TICAM1: variants seen among roughly 807,000 people sequenced by gnomAD.
The protein encoded by TICAM1 is TIR domain containing adaptor molecule 1.
For missense variants in TICAM1, 895 were observed against 938.2 expected, an observed-to-expected ratio of 0.95 and a Z score of 0.60; for synonymous variants, 439 against 415.4, an observed-to-expected ratio of 1.06 and a Z score of -0.69.
intron 1 of TICAM1, among the ~76,000 whole-genome samples, chr19:4,828,455 C>T (rs568902917): frequency 6.6e-6 from 1 of 151,846 alleles, no homozygotes; most frequent in Non-Finnish European, 1.5e-5. Context: ...CCAAGCGATC[C>T]TCCCACCTTG....
chr19:4,830,359 T>C (rs1399221077), intron 1 of TICAM1, among the ~76,000 whole-genome samples: 3 of 152,106 alleles, frequency 2.0e-5, no homozygotes, highest in Non-Finnish European at 4.4e-5. Context: ...ATTACAGGCA[T>C]AAACCACTGC....
Position 4,817,094 on chromosome 19 carries a change from G to C in TICAM1, c.1284C>G (p.Cys428Trp). ...ALGVPDGATF[C>W]EDFQVPGRGE... ...CGCGCCCCGGCACCTGGAAATCCTC[G>C]CAGAAGGTGGCCCCGTCGGGCACGC... is the stretch of plus-strand genomic sequence containing the variant. The change falls in exon 2 of 2, where the codon TGC becomes TGG. Residue 428 changes from cysteine to tryptophan, a missense_variant. Cys to Trp is a radical substitution (Grantham distance 215, BLOSUM62 -2). Transcript: ENST00000248244. The surrounding 1 kb of genome is among the most constrained non-coding windows in gnomAD (Gnocchi z 4.7). 1 of 1,614,148 alleles carries C rather than the reference G, an allele frequency of 6.2e-7. No homozygotes were observed. The highest frequency in any genetic ancestry group is 1.1e-5 in the South Asian group (1 of 91,086).
chr19:4,821,128 G>A (rs1333819925), intron 1 of TICAM1, among the ~76,000 whole-genome samples: 2 of 151,598 alleles, frequency 1.3e-5, no homozygotes, highest in Admixed American at 6.6e-5. Context: ...CCCAAGAGGC[G>A]GAGGTTGCAG....
intron 1 of TICAM1, among the ~76,000 whole-genome samples, chr19:4,822,150 G>A (rs1366542876): frequency 6.6e-6 from 1 of 151,768 alleles, no homozygotes. Context: ...GGCCAGGCTG[G>A]TCTTGAACTC....
intron 1 of TICAM1, among the ~76,000 whole-genome samples, chr19:4,829,324 G>T (rs896928612): frequency 1.4e-5 from 2 of 141,774 alleles, no homozygotes; most frequent in South Asian, 2.3e-4. Flanking sequence ...AAATCACGTG[G>T]TCTTTCTTCT....
Position 4,817,222 on chromosome 19 carries a change from G to C in TICAM1, c.1156C>G (p.Leu386Val). Residue 386 changes from leucine to valine, a missense_variant, in exon 2 of 2, where the codon CTG (leucine) becomes GTG (valine). By Grantham distance (32) the Leu-to-Val change is conservative. Coordinates refer to ENST00000248244, the MANE Select transcript of TICAM1 (RefSeq NM_182919.4). This position sits in a 1 kb window ranked among gnomAD's most constrained non-coding sequence, Gnocchi z 4.7. The part of the protein sequence containing the change: ...LTPSSLFPSS[L>V]ESSSEQKFYN... Reference sequence around the variant, plus strand: ...AATTTCTGTTCCGATGATGATTCCAGGGAGGAAGGGAACAGGGAGGAGGGG... The same window carrying C: ...AATTTCTGTTCCGATGATGATTCCACGGAGGAAGGGAACAGGGAGGAGGGG... 2.5e-6 allele frequency: 4 copies of C among 1,614,038 alleles called. No individual in the cohort carries two copies. Among genetic ancestry groups the C allele is most frequent in the African/African-American group, 1.3e-5 (1 of 74,980 alleles).
intron 1 of TICAM1, among the ~76,000 whole-genome samples, chr19:4,821,886 T>C (rs28671596): frequency 0.14 from 21,065 of 148,564 alleles, 1,588 homozygotes; most frequent in African/African-American, 0.18. Context: ...TCAGGTGATC[T>C]GCCTGTCTCG....
chr19:4,827,387 AAAAAAAAAAAAAAAAAG>A (rs1191789178), intron 1 of TICAM1, among the ~76,000 whole-genome samples: 1 of 149,258 alleles, frequency 6.7e-6, no homozygotes, highest in East Asian at 2.0e-4. Flanking sequence ...AAAAAAAAAA[AAAAAAAAAAAAAAAAAG>A]AAAAAGGCCA....
At chr19:4,830,658 T>C (rs1439998919) in intron 1 of TICAM1, among the ~76,000 whole-genome samples, 1 of 152,148 alleles carries the variant, frequency 6.6e-6, no homozygotes, top group Non-Finnish European at 1.5e-5. Context: ...AGACCAACAG[T>C]AAGCGAGAAA....
rs1361444746 is a variant in TICAM1 at position 4,816,530 on chromosome 19, T to TC, written c.1847dup (p.Ala617SerfsTer149). 9.4e-6 allele frequency: 15 copies of TC among 1,599,942 alleles called. No homozygotes were observed. The highest frequency in any genetic ancestry group is 1.2e-5 in the Non-Finnish European group (14 of 1,173,970). ...GCCAAGTGGGAAAGGGTGGCGGGGC[T>TC]CCCAGGGGCACCTGGCCCCCAAAGG... On this transcript the variant is annotated frameshift_variant, in exon 2 of 2. Transcript: ENST00000248244. LOFTEE classifies it low-confidence loss of function (END_TRUNC). The surrounding 1 kb of genome is among the most constrained non-coding windows in gnomAD (Gnocchi z 4.3).
rs2146169433 is a variant in TICAM1 at position 4,817,288 on chromosome 19, G to GAGA, written c.1089_1090insTCT (p.Pro363_Pro364insSer). ...CAAGGAGTAGATGAAGGAGGAGGAG[G>GAGA]AGGAGGAGGAGGGGATGTTTCTGGG... On this transcript the variant is annotated inframe_insertion, in exon 2 of 2. Coordinates refer to ENST00000248244, the MANE Select transcript of TICAM1 (RefSeq NM_182919.4). The surrounding 1 kb of genome is among the most constrained non-coding windows in gnomAD (Gnocchi z 4.7). The GAGA allele has an allele frequency of 6.2e-7, 1 of 1,613,520 alleles. No homozygotes were observed. The highest frequency in any genetic ancestry group is 8.5e-7 in the Non-Finnish European group (1 of 1,179,744).
At chr19:4,829,168 G>A (rs1451199450) in intron 1 of TICAM1, among the ~76,000 whole-genome samples, 1 of 152,096 alleles carries the variant, frequency 6.6e-6, no homozygotes, top group Non-Finnish European at 1.5e-5. Context: ...CCTGGCACAC[G>A]CATGCCCCAC....
chr19:4,823,861 C>G (rs888409663), intron 1 of TICAM1, among the ~76,000 whole-genome samples: 4 of 152,134 alleles, frequency 2.6e-5, no homozygotes, highest in Non-Finnish European at 5.9e-5. Flanking sequence ...TTTATTACCA[C>G]AGCCACAGTA....
In TICAM1 at chr19:4,817,564, G is replaced by A. The variant is rs755005131; in HGVS notation, c.814C>T (p.Pro272Ser). 5.0e-6 allele frequency: 8 copies of A among 1,612,504 alleles called. 1 individual carries two copies. The African/African-American group carries it at 9.3e-5, about 19-fold the overall frequency. ...GGGGCCACTTCGGGAAGCCCAGGAGGTGGGCTGCTTGGCAGCTCTGGTGGG... is the reference window on the plus strand; with the variant it reads ...GGGGCCACTTCGGGAAGCCCAGGAGATGGGCTGCTTGGCAGCTCTGGTGGG... ...ASPPELPSSP[P>S]PGLPEVAPDA... The change falls in exon 2 of 2, where the codon CCT becomes TCT. Residue 272 changes from proline to serine, a missense_variant. By Grantham distance (74) the Pro-to-Ser change is moderately conservative (BLOSUM62 -1). Coordinates refer to ENST00000248244, the MANE Select transcript of TICAM1 (RefSeq NM_182919.4). This position sits in a 1 kb window ranked among gnomAD's most constrained non-coding sequence, Gnocchi z 4.7.
intron 1 of TICAM1, among the ~76,000 whole-genome samples, chr19:4,830,307 G>T (rs1297467347): frequency 6.6e-6 from 1 of 151,898 alleles, no homozygotes; most frequent in Non-Finnish European, 1.5e-5. Context: ...CAGGATCCTG[G>T]GCTCAAGCAA....
chr19:4,829,307 A>G (rs1401923042), intron 1 of TICAM1, among the ~76,000 whole-genome samples: 1 of 152,066 alleles, frequency 6.6e-6, no homozygotes, highest in Non-Finnish European at 1.5e-5. Flanking sequence ...TGCCTGGCAA[A>G]TCTCTAAAAT....
intron 1 of TICAM1, among the ~76,000 whole-genome samples, chr19:4,829,720 A>G (rs1476058086): frequency 6.6e-6 from 1 of 152,034 alleles, no homozygotes; most frequent in Non-Finnish European, 1.5e-5. Context: ...GCTTGATATA[A>G]TAATATTAGT....
Position 4,816,377 on chromosome 19 carries a change from T to A in TICAM1, c.2001A>T (p.Ser667=). The A allele has an allele frequency of 3.5e-5, 56 of 1,586,878 alleles. No individual in the cohort carries two copies. Among genetic ancestry groups the A allele is most frequent in the Non-Finnish European group, 4.7e-5 (55 of 1,167,794 alleles). The change falls in exon 2 of 2, where the codon TCA becomes TCT. Residue 667 remains serine, a synonymous_variant. Transcript: ENST00000248244. The surrounding 1 kb of genome is among the most constrained non-coding windows in gnomAD (Gnocchi z 4.3). ...FPQSPAFPTA[S]PAPPQSPGLQ... is the part of the protein sequence containing the mutation. ...GCCCTGGGCTCTGAGGGGGTGCGGG[T>A]GAGGCCGTAGGGAAGGCTGGGGACT...
At chr19:4,824,691 G>A (rs2146177886) in intron 1 of TICAM1, among the ~76,000 whole-genome samples, 1 of 151,202 alleles carries the variant, frequency 6.6e-6, no homozygotes, top group Admixed American at 6.6e-5. Context: ...CCAGCACTTT[G>A]GGAGGCCGAG....
Sources: gnomAD v4.1 joint callset for allele counts (sites outside exome capture counted in the v4.1 genomes callset) on GRCh38, gnomAD v4.1.1 for gene constraint, Gnocchi (gnomAD v3.1) non-coding constraint, MANE v1.5 for transcripts, NCBI Gene and HGNC (gene_info 2026-07-23, HGNC 2026-07-21) for gene names.